CA10: variants seen among roughly 807,000 people sequenced by gnomAD.
CA10 encodes carbonic anhydrase 10 (inactive).
CA10 carries 14 observed loss-of-function variants against 44.2 expected under a neutral mutation model. The ratio of observed to expected loss-of-function variants is 0.32; its 90% confidence interval spans 0.21 to 0.50. The LOEUF (loss-of-function observed/expected upper bound fraction) is 0.50, where lower values mean the gene tolerates loss of function less well. CA10 is among the 20% of genes least tolerant of loss of function. The probability of loss-of-function intolerance (pLI) is 0.99; values close to 1 mark genes in which losing one functional copy is unlikely to be tolerated. For synonymous variants in CA10, 159 were observed against 141.6 expected (o/e 1.12, Z -0.87); for missense variants, 350 against 409.7 (o/e 0.85, Z 1.26).
chr17:51,689,114 C>T (rs536739444), intron 4 of CA10, among the ~76,000 whole-genome samples: 1 of 152,322 alleles, frequency 6.6e-6, no homozygotes, highest in East Asian at 1.9e-4. Context: ...AAAGGGAGCA[C>T]CCTATGGACA....
intron 4 of CA10, among the ~76,000 whole-genome samples, chr17:51,703,276 T>C (rs1915657606): frequency 1.3e-5 from 2 of 152,144 alleles, no homozygotes; most frequent in Admixed American, 6.5e-5. Context: ...TGTTCATTAG[T>C]TATAGTGATT....
At chr17:51,719,210 T>G (rs1301424041) in intron 4 of CA10, among the ~76,000 whole-genome samples, 1 of 152,214 alleles carries the variant, frequency 6.6e-6, no homozygotes, top group African/African-American at 2.4e-5. Flanking sequence ...ACATAAATGA[T>G]GCATGACATC....
At position 51,668,196 on chromosome 17, in the gene CA10, G is replaced by A. The variant is rs61315389; in HGVS notation, c.466-14460C>T. On this transcript the variant is annotated intron_variant, in intron 4 of 8. Coordinates refer to ENST00000451037, the MANE Select transcript of CA10 (RefSeq NM_020178.5). ...CGGAGTCTGAGGCATTCCCAAGGGCGAGTGGGTACAGTGTGGTTCCCATCC... is the reference window on the plus strand; with the variant it reads ...CGGAGTCTGAGGCATTCCCAAGGGCAAGTGGGTACAGTGTGGTTCCCATCC... 7.3e-3 allele frequency among the ~76,000 whole-genome samples: 1,110 copies of A among 152,292 alleles called. 12 individuals carry two copies. The highest frequency in any genetic ancestry group is 0.025 in the African/African-American group (1,046 of 41,556).
At chr17:51,736,383 T>A (rs1378165696) in intron 4 of CA10, among the ~76,000 whole-genome samples, 1 of 152,192 alleles carries the variant, frequency 6.6e-6, no homozygotes. Context: ...ACAGCAGCTG[T>A]TCCGGGATGA....
At chr17:51,942,241 T>C (rs901185685) in intron 2 of CA10, among the ~76,000 whole-genome samples, 1 of 152,088 alleles carries the variant, frequency 6.6e-6, no homozygotes, top group African/African-American at 2.4e-5. Context: ...TTAGTTATCT[T>C]CATGAGACAT....
chr17:52,121,510 A>G (rs1460906544), intron 1 of CA10, among the ~76,000 whole-genome samples: 1 of 152,178 alleles, frequency 6.6e-6, no homozygotes, highest in East Asian at 1.9e-4. Context: ...TCATTCTACA[A>G]TGCTTAGGTA....
rs757513027 is a variant in CA10, at chr17:51,633,537, G to A, written c.903C>T (p.Ile301=). The change falls in exon 8 of 9, where the codon ATC becomes ATT. Residue 301 remains isoleucine, a synonymous_variant. Coordinates refer to ENST00000451037, the MANE Select transcript of CA10 (RefSeq NM_020178.5). ...AGTCCTTCCCCTGTAAACTGAAGTTGATATTGGTGCGGATGCAGCGGTTGT... is the reference window on the plus strand; with the variant it reads ...AGTCCTTCCCCTGTAAACTGAAGTTAATATTGGTGCGGATGCAGCGGTTGT... The part of the protein sequence containing the change: ...PLNNRCIRTN[I]NFSLQGKDCP... 1 of 1,614,096 alleles carries A rather than the reference G, an allele frequency of 6.2e-7. No individual in the cohort carries two copies. The highest frequency in any genetic ancestry group is 2.2e-5 in the East Asian group (1 of 44,880).
At chr17:52,060,267 G>C (rs1002615634) in intron 2 of CA10, among the ~76,000 whole-genome samples, 5 of 152,056 alleles carry the variant, frequency 3.3e-5, no homozygotes, top group African/African-American at 1.2e-4. Flanking sequence ...AAAACTGTCA[G>C]TCATGAAAAA....
intron 1 of CA10, among the ~76,000 whole-genome samples, chr17:52,135,294 CT>C: frequency 6.6e-6 from 1 of 152,248 alleles, no homozygotes; most frequent in African/African-American, 2.4e-5. Flanking sequence ...GCTGCCCCTC[CT>C]TTTTTTGCCT....
chr17:51,882,841 T>C (rs1980437090), intron 3 of CA10, among the ~76,000 whole-genome samples: 1 of 152,232 alleles, frequency 6.6e-6, no homozygotes, highest in African/African-American at 2.4e-5. Context: ...GAAGGTTTTC[T>C]TTTTAAAATG....
At position 51,659,403 on chromosome 17, in the gene CA10, G is replaced by A. The variant is rs142905847; in HGVS notation, c.466-5667C>T. 2.6e-5 allele frequency among the ~76,000 whole-genome samples: 4 copies of A among 152,182 alleles called. No homozygotes were observed. In the East Asian group the frequency reaches 7.7e-4, roughly 29 times the overall value. On this transcript the variant is annotated intron_variant, in intron 4 of 8. Transcript: ENST00000451037. The stretch of plus-strand genomic sequence containing the variant: ...CTCCAGCTTGCAGACTGCACATTGT[G>A]GGACTTCTTGGCTTCCATAATTGTG...
At chr17:51,649,466 C>G (rs1373298007) in intron 5 of CA10, among the ~76,000 whole-genome samples, 2 of 152,104 alleles carry the variant, frequency 1.3e-5, no homozygotes, top group Non-Finnish European at 2.9e-5. Context: ...AAACTGTTCT[C>G]ATATAGTGTG....
intron 3 of CA10, among the ~76,000 whole-genome samples, chr17:51,897,170 G>A (rs986497798): frequency 1.3e-5 from 2 of 151,824 alleles, no homozygotes; most frequent in African/African-American, 2.4e-5. Flanking sequence ...ATGGTATTTT[G>A]TAGGTTATCT....
chr17:51,905,485 C>T (rs1981506979), intron 3 of CA10, among the ~76,000 whole-genome samples: 1 of 150,284 alleles, frequency 6.7e-6, no homozygotes, highest in Non-Finnish European at 1.5e-5. Context: ...GGCTCTCCTC[C>T]TTACCTGCTT....
intron 4 of CA10, among the ~76,000 whole-genome samples, chr17:51,687,980 T>C (rs974418860): frequency 2.0e-5 from 3 of 152,304 alleles, no homozygotes; most frequent in African/African-American, 7.2e-5. Flanking sequence ...ATTAAGTAAA[T>C]GACAGTGTGC....
intron 4 of CA10, among the ~76,000 whole-genome samples, chr17:51,665,615 T>G (rs1268294549): frequency 6.6e-6 from 1 of 152,220 alleles, no homozygotes; most frequent in African/African-American, 2.4e-5. Context: ...AGTGTACTTA[T>G]ATAAACCCAG....
intron 4 of CA10, among the ~76,000 whole-genome samples, chr17:51,745,901 C>T (rs918501475): frequency 6.6e-6 from 1 of 152,094 alleles, no homozygotes; most frequent in Non-Finnish European, 1.5e-5. Context: ...CTTAAAATAA[C>T]TTAAGAGGAA....
intron 2 of CA10, among the ~76,000 whole-genome samples, chr17:51,967,442 T>G (rs1984123349): frequency 6.6e-6 from 1 of 151,798 alleles, no homozygotes; most frequent in Non-Finnish European, 1.5e-5. Context: ...TCAACCTAAG[T>G]GTCCCTCAAT....
chr17:51,677,955 C>A (rs1205781436), intron 4 of CA10, among the ~76,000 whole-genome samples: 1 of 150,748 alleles, frequency 6.6e-6, no homozygotes, highest in Non-Finnish European at 1.5e-5. Context: ...ATGTTCACAG[C>A]AGCACTATTC....
Sources: allele counts gnomAD v4.1 joint callset (sites outside exome capture counted in the v4.1 genomes callset), GRCh38; gene constraint gnomAD v4.1.1; transcripts MANE v1.5; gene names NCBI Gene and HGNC (gene_info 2026-07-23, HGNC 2026-07-21).